The following SSBP3 variants were observed in gnomAD, a reference collection of about 807,000 sequenced individuals.
SSBP3 encodes single-stranded DNA-binding protein 3.
Under a neutral mutation model 69.6 loss-of-function variants are expected in SSBP3, and 5 were observed. That is an observed-to-expected ratio of 0.07 (90% CI 0.04 to 0.15). The LOEUF is 0.15. Among genes scored for constraint, SSBP3 ranks in the 10% least tolerant of loss-of-function variants. The pLI is 1.00. For synonymous variants in SSBP3, 196 were observed against 193.4 expected (o/e 1.01, Z -0.11); for missense variants, 312 against 534.0 (o/e 0.58, Z 4.10).
intron 4 of SSBP3, among the ~76,000 whole-genome samples, chr1:54,377,129 T>C (rs1647271189): frequency 6.6e-6 from 1 of 152,196 alleles, no homozygotes; most frequent in Non-Finnish European, 1.5e-5. Flanking sequence ...ACACTACGGT[T>C]AAAGGCAAGC....
chr1:54,392,579 T>G lies in SSBP3; in HGVS notation c.276+9282A>C, dbSNP rs143446610. Among the ~76,000 whole-genome samples, 212 of 152,354 alleles carry G rather than the reference T, an allele frequency of 1.4e-3. 1 individual carries two copies. Among genetic ancestry groups the G allele is most frequent in the African/African-American group, 5.0e-3 (208 of 41,580 alleles). On this transcript the variant is annotated intron_variant, in intron 4 of 17. Coordinates refer to ENST00000610401, the Ensembl canonical transcript of SSBP3. ...GTTGGTTTCATGATGTATTAATGGG[T>G]CACAGCTCACAGTTTACAAACAGTG... is the stretch of plus-strand genomic sequence containing the variant.
chr1:54,253,186 G>GTTTTTTTTTTTTTTTTTTTTTTTT (rs1491370826), intron 7 of SSBP3, among the ~76,000 whole-genome samples: 1 of 115,180 alleles, frequency 8.7e-6, no homozygotes, highest in Non-Finnish European at 1.8e-5. Flanking sequence ...TTTTTTTTTA[G>GTTTTTTTTTTTTTTTTTTTTTTTT]TTTTTGTTTT....
chr1:54,340,492 C>CA (rs754845906), intron 4 of SSBP3, among the ~76,000 whole-genome samples: 1 of 152,230 alleles, frequency 6.6e-6, no homozygotes, highest in Non-Finnish European at 1.5e-5. Context: ...GAGGGAGGGA[C>CA]AAAAGGGCCA....
chr1:54,319,568 G>A (rs1209073426), intron 4 of SSBP3, among the ~76,000 whole-genome samples: 50 of 152,042 alleles, frequency 3.3e-4, no homozygotes, highest in Admixed American at 2.9e-3. Context: ...AGCCCCACAG[G>A]TGGGAAGGTC....
chr1:54,316,697 T>C (rs1235424713), intron 4 of SSBP3, among the ~76,000 whole-genome samples: 1 of 124,088 alleles, frequency 8.1e-6, no homozygotes, highest in Non-Finnish European at 1.6e-5. Flanking sequence ...AATAAATAAA[T>C]AAATAAATAA....
upstream of SSBP3, among the ~76,000 whole-genome samples, chr1:54,407,047 C>T (rs1186626757): frequency 6.6e-6 from 1 of 152,016 alleles, no homozygotes; most frequent in Non-Finnish European, 1.5e-5. Flanking sequence ...GCGGCTCGAG[C>T]CGGCGCCGAG....
intron 5 of SSBP3, among the ~76,000 whole-genome samples, chr1:54,275,127 G>A (rs901947684): frequency 2.6e-5 from 4 of 152,208 alleles, no homozygotes; most frequent in African/African-American, 4.8e-5. Flanking sequence ...GGCAGGGTCC[G>A]TGGCTGCCTC....
At chr1:54,383,411 T>G (rs1206216406) in intron 4 of SSBP3, among the ~76,000 whole-genome samples, 2 of 150,718 alleles carry the variant, frequency 1.3e-5, no homozygotes, top group African/African-American at 4.9e-5. Flanking sequence ...AAAAAAGAAA[T>G]AAAGAAGTCC....
At chr1:54,266,110 C>A (rs1049083662) in intron 5 of SSBP3, among the ~76,000 whole-genome samples, 9 of 152,252 alleles carry the variant, frequency 5.9e-5, no homozygotes, top group African/African-American at 2.2e-4. Flanking sequence ...TGCTTGCCAG[C>A]GCCTCTTTCT....
At chr1:54,399,198 T>C (rs1254646157) in intron 4 of SSBP3, among the ~76,000 whole-genome samples, 3 of 152,088 alleles carry the variant, frequency 2.0e-5, no homozygotes, top group African/African-American at 7.2e-5. Flanking sequence ...ATGGAAAAAA[T>C]TAATAGGCTG....
intron 13 of SSBP3, among the ~76,000 whole-genome samples, chr1:54,239,979 G>C (rs937036677): frequency 6.6e-6 from 1 of 151,974 alleles, no homozygotes; most frequent in African/African-American, 2.4e-5. Flanking sequence ...GGTAAGGATC[G>C]TATGTTGAAT....
chr1:54,394,223 T>C (rs1244249855), intron 4 of SSBP3, among the ~76,000 whole-genome samples: 1 of 152,220 alleles, frequency 6.6e-6, no homozygotes. Flanking sequence ...TACTGGAAAC[T>C]TCACGCAGGG....
intron 4 of SSBP3, among the ~76,000 whole-genome samples, chr1:54,291,238 CAGTG>C (rs983818369): frequency 4.6e-5 from 7 of 152,182 alleles, no homozygotes; most frequent in Non-Finnish European, 8.8e-5. Flanking sequence ...ACACTCTCCT[CAGTG>C]AGCATCAAAT....
intron 9 of SSBP3, among the ~76,000 whole-genome samples, chr1:54,247,996 T>C (rs1028629416): frequency 6.6e-6 from 1 of 152,250 alleles, no homozygotes; most frequent in African/African-American, 2.4e-5. Flanking sequence ...GGGTGATACC[T>C]GCGTTGCTGG....
intron 4 of SSBP3, among the ~76,000 whole-genome samples, chr1:54,296,551 C>G (rs901420393): frequency 1.3e-5 from 2 of 152,198 alleles, no homozygotes; most frequent in South Asian, 4.1e-4. Flanking sequence ...ATGTGGCCTC[C>G]GGTCCATACA....
intron 5 of SSBP3, among the ~76,000 whole-genome samples, chr1:54,265,399 G>C (rs1018408365): frequency 1.3e-5 from 2 of 152,160 alleles, no homozygotes; most frequent in African/African-American, 4.8e-5. Context: ...GGCAGAAGGT[G>C]ACTAAGTTGC....
At chr1:54,347,670 T>C (rs1430442868) in intron 4 of SSBP3, among the ~76,000 whole-genome samples, 1 of 152,306 alleles carries the variant, frequency 6.6e-6, no homozygotes, top group Admixed American at 6.5e-5. Context: ...ATGACTGGTA[T>C]CCATATGAAA....
chr1:54,298,322 A>C (rs1445343573), intron 4 of SSBP3, among the ~76,000 whole-genome samples: 1 of 152,002 alleles, frequency 6.6e-6, no homozygotes, highest in Non-Finnish European at 1.5e-5. Flanking sequence ...GCACGAACCC[A>C]GACTCACGAA....
intron 4 of SSBP3, among the ~76,000 whole-genome samples, chr1:54,344,560 G>C (rs935599478): frequency 1.3e-5 from 2 of 152,196 alleles, no homozygotes; most frequent in African/African-American, 2.4e-5. Flanking sequence ...CGTGATGACT[G>C]CTGGGGCAGC....
Sources: allele counts gnomAD v4.1 joint callset (sites outside exome capture counted in the v4.1 genomes callset), GRCh38; gene constraint gnomAD v4.1.1; transcripts MANE v1.5; gene names NCBI Gene and HGNC (gene_info 2026-07-23, HGNC 2026-07-21).